Variants in NSMCE2 observed in about 807,000 individuals in gnomAD.
NSMCE2 encodes the protein NSE2 SUMO ligase component of SMC5/6 complex.
NSMCE2 carries 24 observed loss-of-function variants against 23.8 expected under a neutral mutation model. The observed-to-expected ratio is 1.01, with a 90% CI of 0.73 to 1.42. The LOEUF is 1.42. NSMCE2 is among the 40% of genes most tolerant of loss of function. The pLI, the probability that NSMCE2 is intolerant of heterozygous loss-of-function variation, is 0.00. For synonymous variants in NSMCE2, 92 were observed against 94.1 expected (o/e 0.98, Z 0.13); for missense variants, 284 against 296.5 (o/e 0.96, Z 0.31).
At chr8:125,092,781 G>A (rs1289076225) in intron 1 of NSMCE2, among the ~76,000 whole-genome samples, 4 of 152,166 alleles carry the variant, frequency 2.6e-5, no homozygotes, top group African/African-American at 4.8e-5. Context: ...CATAGGTACC[G>A]GGAAGAAAAA....
intron 5 of NSMCE2, among the ~76,000 whole-genome samples, chr8:125,204,809 T>G (rs2130869243): frequency 6.6e-6 from 1 of 152,314 alleles, no homozygotes; most frequent in East Asian, 1.9e-4. Context: ...CTGCCCCCAC[T>G]ACTATTGCTG....
chr8:125,296,700 G>A (rs948004140), intron 5 of NSMCE2, among the ~76,000 whole-genome samples: 7 of 152,076 alleles, frequency 4.6e-5, no homozygotes, highest in African/African-American at 1.7e-4. Context: ...CCGGCCTGCT[G>A]TGGTAATTTT....
chr8:125,340,604 T>C (rs1563794756), intron 5 of NSMCE2, among the ~76,000 whole-genome samples: 1 of 152,226 alleles, frequency 6.6e-6, no homozygotes, highest in Non-Finnish European at 1.5e-5. Context: ...GGCTTTTTTG[T>C]CATTAGCTAT....
chr8:125,109,357 T>G (rs1363165151), intron 3 of NSMCE2, among the ~76,000 whole-genome samples: 2 of 152,176 alleles, frequency 1.3e-5, no homozygotes, highest in Non-Finnish European at 2.9e-5. Flanking sequence ...TACTAGTAAT[T>G]TGGTGTGCAT....
chr8:125,295,962 C>T (rs1413248956), intron 5 of NSMCE2, among the ~76,000 whole-genome samples: 3 of 152,110 alleles, frequency 2.0e-5, no homozygotes, highest in African/African-American at 7.2e-5. Flanking sequence ...GCCTTCACAA[C>T]TATTAAACAA....
At chr8:125,288,983 A>T (rs1828003650) in intron 5 of NSMCE2, among the ~76,000 whole-genome samples, 1 of 151,958 alleles carries the variant, frequency 6.6e-6, no homozygotes, top group African/African-American at 2.4e-5. Context: ...CTTTTTATAG[A>T]GATGGTCAGT....
intron 5 of NSMCE2, among the ~76,000 whole-genome samples, chr8:125,189,732 T>A (rs1156325480): frequency 1.3e-5 from 2 of 152,202 alleles, no homozygotes; most frequent in Non-Finnish European, 2.9e-5. Flanking sequence ...GTAGAAAAGG[T>A]TAAAAATTTA....
rs1042261780 is a variant in NSMCE2 at position 125,212,344 on chromosome 8, A to G, written c.418+30088A>G. Among the ~76,000 whole-genome samples the G allele has an allele frequency of 1.9e-4, 29 of 152,108 alleles. 1 individual carries two copies. The highest frequency in any genetic ancestry group is 4.4e-5 in the Non-Finnish European group (3 of 68,022). ...GGTGAGTTAGGTGGGAAGAATCTCA[A>G]AAAAGATGCCATTCTGGGGTAATAG... is the stretch of plus-strand genomic sequence containing the variant. On this transcript the variant is annotated intron_variant, in intron 5 of 7. Coordinates refer to ENST00000287437, the MANE Select transcript of NSMCE2 (RefSeq NM_173685.4).
At chr8:125,113,066 G>GT (rs1014342742) in intron 3 of NSMCE2, among the ~76,000 whole-genome samples, 1 of 138,146 alleles carries the variant, frequency 7.2e-6, no homozygotes, top group Admixed American at 7.4e-5. Context: ...ATGGGGGGGG[G>GT]GGTGAGTCAA....
chr8:125,126,370 C>CAA (rs76825647), intron 3 of NSMCE2, among the ~76,000 whole-genome samples: 11 of 128,152 alleles, frequency 8.6e-5, no homozygotes, highest in Non-Finnish European at 1.2e-4. Context: ...GACTCTGTTT[C>CAA]AAAAAAAAAA....
intron 4 of NSMCE2, among the ~76,000 whole-genome samples, chr8:125,153,243 A>G (rs1274570318): frequency 6.6e-6 from 1 of 152,178 alleles, no homozygotes; most frequent in Admixed American, 6.5e-5. Context: ...CTCACTTTTC[A>G]GCCCTAACCT....
chr8:125,112,074 A>G (rs910338251), intron 3 of NSMCE2, among the ~76,000 whole-genome samples: 4 of 152,222 alleles, frequency 2.6e-5, no homozygotes, highest in Non-Finnish European at 5.9e-5. Context: ...AGTGGTGGCC[A>G]CAATGATAAT....
chr8:125,151,500 G>A (rs997116678), intron 4 of NSMCE2: 2 of 343,840 alleles, frequency 5.8e-6, no homozygotes, highest in Non-Finnish European at 1.0e-5. Context: ...ATTTTAGATT[G>A]CTTGCAATTT....
chr8:125,306,372 C>A (rs971842776), intron 5 of NSMCE2, among the ~76,000 whole-genome samples: 12 of 150,380 alleles, frequency 8.0e-5, no homozygotes, highest in Non-Finnish European at 1.5e-4. Context: ...AAAAAAAAAA[C>A]TGAGCAACAG....
chr8:125,347,798 G>C (rs1208027388), intron 5 of NSMCE2, among the ~76,000 whole-genome samples: 3 of 152,204 alleles, frequency 2.0e-5, no homozygotes, highest in Admixed American at 6.5e-5. Flanking sequence ...AGATTGGATA[G>C]AGATAGCTTC....
intron 5 of NSMCE2, among the ~76,000 whole-genome samples, chr8:125,286,099 C>A (rs1366250574): frequency 6.6e-6 from 1 of 151,792 alleles, no homozygotes; most frequent in Non-Finnish European, 1.5e-5. Flanking sequence ...ACTGTCAATA[C>A]CTTACCTTCA....
At chr8:125,238,149 G>T (rs1029986878) in intron 5 of NSMCE2, among the ~76,000 whole-genome samples, 9 of 152,052 alleles carry the variant, frequency 5.9e-5, no homozygotes, top group Non-Finnish European at 8.8e-5. Context: ...CCTAACCCGG[G>T]TCTCTCTTGA....
chr8:125,321,294 T>C (rs1271785341), intron 5 of NSMCE2, among the ~76,000 whole-genome samples: 2 of 152,310 alleles, frequency 1.3e-5, no homozygotes, highest in Non-Finnish European at 2.9e-5. Flanking sequence ...TCTGTAATCA[T>C]TGAGTTTTTC....
rs188821430 is a variant in NSMCE2 at position 125,314,511 on chromosome 8, C to T, written c.419-42708C>T. On this transcript the variant is annotated intron_variant, in intron 5 of 7. Coordinates refer to ENST00000287437, the MANE Select transcript of NSMCE2 (RefSeq NM_173685.4). ...TTTGCCATGTTGGCCAGGCTGGTCT[C>T]GAACTCCTGACTTCGTGATCCACCC... 1.9e-3 allele frequency among the ~76,000 whole-genome samples: 296 copies of T among 152,260 alleles called. 1 individual carries two copies. Among genetic ancestry groups the T allele is most frequent in the African/African-American group, 7.0e-3 (291 of 41,542 alleles).
Sources: gnomAD v4.1 joint callset for allele counts (sites outside exome capture counted in the v4.1 genomes callset) on GRCh38, gnomAD v4.1.1 for gene constraint, MANE v1.5 for transcripts, NCBI Gene and HGNC (gene_info 2026-07-23, HGNC 2026-07-21) for gene names.